The following ADGRL2 variants were observed in gnomAD, a reference collection of about 807,000 sequenced individuals.
ADGRL2 encodes adhesion G protein-coupled receptor L2.
In ADGRL2, 44 loss-of-function variants were observed where a neutral mutation model predicts 157.4. The observed-to-expected ratio is 0.28, with a 90% CI of 0.22 to 0.36. The LOEUF (loss-of-function observed/expected upper bound fraction) is 0.36, where lower values mean the gene tolerates loss of function less well. Among genes scored for constraint, ADGRL2 ranks in the 10% least tolerant of loss-of-function variants. The probability of loss-of-function intolerance (pLI) is 1.00; values close to 1 mark genes in which losing one functional copy is unlikely to be tolerated. For synonymous variants in ADGRL2, 585 were observed against 624.7 expected (o/e 0.94, Z 0.95); for missense variants, 1,510 against 1,768.9 (o/e 0.85, Z 2.63).
At chr1:81,413,689 G>T (rs1308812572) in intron 1 of ADGRL2, among the ~76,000 whole-genome samples, 1 of 152,118 alleles carries the variant, frequency 6.6e-6, no homozygotes, top group African/African-American at 2.4e-5. Flanking sequence ...GAGGTCAGTA[G>T]TTCACTGATT....
intron 3 of ADGRL2, among the ~76,000 whole-genome samples, chr1:81,605,734 A>C (rs552951200): frequency 3.9e-5 from 6 of 152,340 alleles, no homozygotes; most frequent in South Asian, 4.1e-4. Context: ...GATTTACATC[A>C]GTCATTTTTG....
intron 2 of ADGRL2, among the ~76,000 whole-genome samples, chr1:81,867,934 G>A (rs2093589716): frequency 6.6e-6 from 1 of 151,872 alleles, no homozygotes; most frequent in Non-Finnish European, 1.5e-5. Flanking sequence ...TAGACTCTTT[G>A]GAGAATCTGA....
At chr1:81,731,460 G>T (rs1022928561) in intron 1 of ADGRL2, among the ~76,000 whole-genome samples, 1 of 151,480 alleles carries the variant, frequency 6.6e-6, no homozygotes, top group Non-Finnish European at 1.5e-5. Context: ...CCATGACTTT[G>T]CACTTCCTCT....
chr1:81,990,287 A>G, intron 23 of ADGRL2, 104 bp from the exon 24 acceptor site: 1 of 1,509,374 alleles, frequency 6.6e-7, no homozygotes, highest in Non-Finnish European at 8.8e-7. Flanking sequence ...GCTTTCAAAT[A>G]CAACTTTGTC....
intron 1 of ADGRL2, among the ~76,000 whole-genome samples, chr1:81,391,193 T>C (rs1379429731): frequency 6.6e-6 from 1 of 152,306 alleles, no homozygotes; most frequent in Non-Finnish European, 1.5e-5. Context: ...AGCAAACTCA[T>C]TTTTTGAGCA....
At chr1:81,452,753 C>A (rs906566924) in intron 2 of ADGRL2, among the ~76,000 whole-genome samples, 5 of 152,076 alleles carry the variant, frequency 3.3e-5, no homozygotes, top group Non-Finnish European at 7.4e-5. Context: ...ATTGGAAAAC[C>A]GCTGAGTATA....
chr1:81,655,303 T>C (rs2082508870), intron 3 of ADGRL2, among the ~76,000 whole-genome samples: 1 of 152,146 alleles, frequency 6.6e-6, no homozygotes, highest in Non-Finnish European at 1.5e-5. Context: ...CCCGGCCTCA[T>C]TCTGTATTTT....
intron 1 of ADGRL2, among the ~76,000 whole-genome samples, chr1:81,367,832 G>A (rs1323458258): frequency 2.0e-5 from 3 of 152,170 alleles, no homozygotes; most frequent in Non-Finnish European, 4.4e-5. Context: ...GATTACAGAT[G>A]TGAGCCACCA....
chr1:81,906,566 T>A (rs2148297227), intron 2 of ADGRL2, among the ~76,000 whole-genome samples: 1 of 152,254 alleles, frequency 6.6e-6, no homozygotes, highest in South Asian at 2.1e-4. Context: ...ATGAAGGTAT[T>A]TTTTAAGATA....
chr1:81,849,782 T>C (rs1414711748), intron 2 of ADGRL2, among the ~76,000 whole-genome samples: 1 of 151,934 alleles, frequency 6.6e-6, no homozygotes, highest in Admixed American at 6.6e-5. Flanking sequence ...TCACAGTGGA[T>C]GGACACCTTC....
intron 1 of ADGRL2, among the ~76,000 whole-genome samples, chr1:81,382,110 C>T (rs753561832): frequency 6.6e-6 from 1 of 152,096 alleles, no homozygotes; most frequent in Non-Finnish European, 1.5e-5. Flanking sequence ...CTTCGAGGTT[C>T]CAAAGAATTT....
chr1:81,342,862 T>A (rs1417394872), intron 1 of ADGRL2, among the ~76,000 whole-genome samples: 1 of 152,104 alleles, frequency 6.6e-6, no homozygotes, highest in Non-Finnish European at 1.5e-5. Flanking sequence ...CAATTCTTTC[T>A]CTTTGCAAAG....
intron 18 of ADGRL2, chr1:81,980,684 A>T: frequency 2.0e-6 from 1 of 490,898 alleles, no homozygotes; most frequent in Non-Finnish European, 3.8e-6. Flanking sequence ...TAGATGTTTT[A>T]GATAGGTTAG....
At chr1:81,608,691 G>A (rs981401353) in intron 3 of ADGRL2, among the ~76,000 whole-genome samples, 1 of 151,974 alleles carries the variant, frequency 6.6e-6, no homozygotes, top group Non-Finnish European at 1.5e-5. Flanking sequence ...AAACATACTT[G>A]GAAAAGCCCA....
chr1:81,946,749 T>C (rs1649997676), intron 6 of ADGRL2, among the ~76,000 whole-genome samples: 1 of 152,144 alleles, frequency 6.6e-6, no homozygotes, highest in South Asian at 2.1e-4. Context: ...AAGAATGCTG[T>C]ATAAAAGATG....
intron 1 of ADGRL2, among the ~76,000 whole-genome samples, chr1:81,807,797 T>C (rs1299842753): frequency 6.6e-6 from 1 of 151,948 alleles, no homozygotes; most frequent in Non-Finnish European, 1.5e-5. Flanking sequence ...TTTTTGTGTG[T>C]GTGTGTGAGT....
chr1:81,807,108 T>C (rs1243878212), intron 1 of ADGRL2, among the ~76,000 whole-genome samples: 1 of 152,000 alleles, frequency 6.6e-6, no homozygotes, highest in African/African-American at 2.4e-5. Context: ...CTAAAAACTT[T>C]TCAAATTGAT....
chr1:81,536,547 C>G (rs2079742146), intron 2 of ADGRL2, among the ~76,000 whole-genome samples: 2 of 152,184 alleles, frequency 1.3e-5, no homozygotes, highest in Non-Finnish European at 2.9e-5. Flanking sequence ...ATTCTCATCT[C>G]TATCTTCAGA....
chr1:81,885,153 A>C (rs2094096924), intron 2 of ADGRL2, among the ~76,000 whole-genome samples: 1 of 152,190 alleles, frequency 6.6e-6, no homozygotes, highest in Admixed American at 6.5e-5. Context: ...AAGGAGGGGA[A>C]AGTGAAGGAA....
Sources: allele counts gnomAD v4.1 joint callset (sites outside exome capture counted in the v4.1 genomes callset), GRCh38; gene constraint gnomAD v4.1.1; transcripts MANE v1.5; gene names NCBI Gene and HGNC (gene_info 2026-07-23, HGNC 2026-07-21).